The following WDR36 variants were observed in gnomAD, a reference collection of about 807,000 sequenced individuals.
WDR36 encodes the protein WD repeat-containing protein 36.
In WDR36, 63 loss-of-function variants were observed where a neutral mutation model predicts 112.7. The ratio of observed to expected loss-of-function variants is 0.56; its 90% CI spans 0.46 to 0.69. The LOEUF is 0.69. Ranked by LOEUF, WDR36 falls within the 30% of genes least tolerant of loss-of-function variation. The pLI is 0.00. For missense variants in WDR36, 1,226 were observed against 1,070.3 expected (o/e 1.15, Z -2.03); for synonymous variants, 410 against 362.2 (o/e 1.13, Z -1.50).
chr5:111,110,306 A>G lies in WDR36; in HGVS notation c.1441+3A>G. ...AGGAAGTTTTGGCAAGGATCAAGGT[A>G]GAGAATTTTTTTCCTTGTTTTTTAT... On this transcript the variant is annotated splice_donor_region_variant and intron_variant, in intron 13 of 22. Coordinates refer to ENST00000513710, the MANE Select transcript of WDR36 (RefSeq NM_139281.3). 2 of 1,606,212 alleles carry G rather than the reference A, an allele frequency of 1.2e-6. No individual in the cohort carries two copies. Among genetic ancestry groups the G allele is most frequent in the Non-Finnish European group, 1.7e-6 (2 of 1,173,516 alleles).
In WDR36 at chr5:111,125,773, C is replaced by T; in HGVS notation, c.2516C>T (p.Ala839Val). ...DRKRDFELAQ[A>V]YLALFLKLHL... Reference sequence around the variant, plus strand: ...AAGCGTGATTTTGAGTTAGCCCAGGCATACCTTGCATTGTTTCTAAAGGTA... The same window carrying T: ...AAGCGTGATTTTGAGTTAGCCCAGGTATACCTTGCATTGTTTCTAAAGGTA... Residue 839 changes from alanine (A) to valine (V), a missense_variant, in exon 22 of 23, where the codon GCA becomes GTA. By Grantham distance (64) the Ala-to-Val change is moderately conservative (BLOSUM62 0). Coordinates refer to ENST00000513710, the MANE Select transcript of WDR36 (RefSeq NM_139281.3). The T allele has an allele frequency of 1.2e-6, 2 of 1,613,758 alleles. No individual in the cohort carries two copies. Among genetic ancestry groups the T allele is most frequent in the South Asian group, 2.2e-5 (2 of 91,080 alleles).
At chr5:111,106,026 C>G (rs1753215798) in intron 10 of WDR36, 31 bp from the exon 11 acceptor site, 4 of 1,498,852 alleles carry the variant, frequency 2.7e-6, no homozygotes, top group Non-Finnish European at 3.7e-6. Context: ...GGATTCATAG[C>G]TATGTATGTT....
rs766916153 is a variant in WDR36 at position 111,094,908 on chromosome 5, T to C, written c.163-12T>C. The C allele has an allele frequency of 1.9e-6, 3 of 1,593,094 alleles. No individual in the cohort carries two copies. Among genetic ancestry groups the C allele is most frequent in the Non-Finnish European group, 1.7e-6 (2 of 1,167,826 alleles). On this transcript the variant is annotated splice_polypyrimidine_tract_variant and intron_variant, in intron 1 of 22. Transcript: ENST00000513710. ...GTTAATGAAAATTTAACCTTTTTTC[T>C]TTTTTAAACAGGTTCAGAAACTTAG...
rs530423287 is a variant in WDR36, at chr5:111,105,326, G to A, written c.1059G>A (p.Thr353=). ...SQDGTLQSFS[T]VHEKFNKSLG... is the part of the protein sequence containing the mutation. ...ATGGAACTCTTCAGTCATTTTCCAC[G>A]GTACATGAAAAATTCAATAAGAGCT... The change falls in exon 10 of 23, where the codon ACG becomes ACA. Residue 353 remains threonine, a synonymous_variant. Transcript: ENST00000513710. 233 of 1,609,818 alleles carry A rather than the reference G, an allele frequency of 1.4e-4. 3 individuals carry two copies. The highest frequency in any genetic ancestry group is 1.4e-3 in the South Asian group (125 of 91,012).
At chr5:111,098,441 GCCT>G (rs1222538357) in intron 3 of WDR36, among the ~76,000 whole-genome samples, 2 of 152,168 alleles carry the variant, frequency 1.3e-5, no homozygotes, top group Admixed American at 6.5e-5. Flanking sequence ...GTGTGTGCAT[GCCT>G]CCTCTCTAAC....
In WDR36 at chr5:111,092,400, C is replaced by T. The variant is rs139198693; in HGVS notation, c.-57C>T. On this transcript the variant is annotated 5_prime_UTR_variant, in exon 1 of 23. Coordinates refer to ENST00000513710, the MANE Select transcript of WDR36 (RefSeq NM_139281.3). ...TGTTCCACTAGACACGCTGAAGGGA[C>T]TGGGTACGTGTTTTCCTTCAGGACC... The T allele has an allele frequency of 2.2e-5, 36 of 1,614,134 alleles. No individual in the cohort carries two copies. Among genetic ancestry groups the T allele is most frequent in the Admixed American group, 5.0e-5 (3 of 60,010 alleles).
Position 111,125,600 on chromosome 5 carries a change from T to G in WDR36, c.2351-8T>G, listed in dbSNP as rs10041326. On this transcript the variant is annotated splice_region_variant and splice_polypyrimidine_tract_variant and intron_variant, in intron 21 of 22. Transcript: ENST00000513710. ...ATCAAGTCATAACTGGATTAAAATT[T>G]AATGCAGATGACACTGCTCTCAACC... 9,310 of 1,611,946 alleles carry G rather than the reference T, an allele frequency of 5.8e-3. 394 individuals are homozygous for G. In the African/African-American group the frequency reaches 0.1, roughly 18 times the overall value.
At chr5:111,095,121 G>A in intron 2 of WDR36, 174 bp downstream of exon 2, 1 of 617,796 alleles carries the variant, frequency 1.6e-6, no homozygotes, top group Non-Finnish European at 2.8e-6. Flanking sequence ...GCTTTTAGTT[G>A]TTATGTATCT....
rs1561712519 is a variant in WDR36, at chr5:111,127,934, T to TTG, written c.*1052_*1053insGT. 2 of 202,468 alleles carry TTG rather than the reference T, an allele frequency of 9.9e-6. No individual in the cohort carries two copies. Among genetic ancestry groups the TTG allele is most frequent in the East Asian group, 1.5e-4 (2 of 13,576 alleles). 12.5% of individuals were successfully genotyped at this position (202,468 alleles called of 1,614,324 possible). A position where few individuals can be genotyped will look rare whatever the true frequency, so the allele number is the denominator to read the frequency against. On this transcript the variant is annotated 3_prime_UTR_variant, in exon 23 of 23. Coordinates refer to ENST00000513710, the MANE Select transcript of WDR36 (RefSeq NM_139281.3). ...TTTTGTTTTGTTTTGTTTTTTTTTT[T>TTG]TTTTTTTTGGCTACACTTTTTTGGG...
At chr5:111,100,868 G>A in intron 5 of WDR36, 147 bp downstream of exon 5, 1 of 677,092 alleles carries the variant, frequency 1.5e-6, no homozygotes, top group Non-Finnish European at 2.4e-6. Flanking sequence ...CTGTATCAGA[G>A]GAGTCAATTA....
intron 5 of WDR36, among the ~76,000 whole-genome samples, 177 bp from the exon 6 acceptor site, chr5:111,102,168 A>G (rs1753133285): frequency 1.3e-5 from 2 of 151,514 alleles, no homozygotes; most frequent in Admixed American, 1.3e-4. Flanking sequence ...GAGACCTAGA[A>G]TTTGTCTGGA....
At chr5:111,101,970 A>G (rs1420283968) in intron 5 of WDR36, among the ~76,000 whole-genome samples, 1 of 151,840 alleles carries the variant, frequency 6.6e-6, no homozygotes, top group African/African-American at 2.4e-5. Flanking sequence ...TAACAGTCAT[A>G]TAACATGCAA....
At chr5:111,120,804 T>C (rs886618688) in intron 18 of WDR36, among the ~76,000 whole-genome samples, 192 bp from the exon 19 acceptor site, 25 of 152,232 alleles carry the variant, frequency 1.6e-4, no homozygotes, top group Admixed American at 3.3e-4. Context: ...AGAAGGTGTT[T>C]TGGGTCTAGT....
rs1346362666 is a variant in WDR36 at position 111,103,780 on chromosome 5, T to A, written c.598-6T>A. ...AAAGTAAAAGTTTGAATAATTTAAT[T>A]TTTAGGCACCAGCCGTGGATGTTGT... On this transcript the variant is annotated splice_region_variant and splice_polypyrimidine_tract_variant and intron_variant, in intron 6 of 22. Coordinates refer to ENST00000513710, the MANE Select transcript of WDR36 (RefSeq NM_139281.3). 1 of 1,610,542 alleles carries A rather than the reference T, an allele frequency of 6.2e-7. No homozygotes were observed. Among genetic ancestry groups the A allele is most frequent in the Non-Finnish European group, 8.5e-7 (1 of 1,177,702 alleles).
chr5:111,102,490 C>A, intron 6 of WDR36, 91 bp downstream of exon 6: 1 of 1,268,598 alleles, frequency 7.9e-7, no homozygotes, highest in Non-Finnish European at 1.1e-6. Flanking sequence ...GACGTAAAGA[C>A]GAAACAATAT....
rs1753687539 is a variant in WDR36 at position 111,126,866 on chromosome 5, A to G, written c.2671A>G (p.Lys891Glu). The stretch of plus-strand genomic sequence containing the variant: ...AAGCATGTGTATTTTAAATTATCTC[A>G]AAAGTGCTTTGTTGTAAAAATAAAT... ...NQSMCILNYL[K>E]SALL The change falls in exon 23 of 23, where the codon AAA becomes GAA. Residue 891 changes from lysine (K) to glutamate (E), a missense_variant. Transcript: ENST00000513710. 7 of 1,606,488 alleles carry G rather than the reference A, an allele frequency of 4.4e-6. No individual in the cohort carries two copies. Among genetic ancestry groups the G allele is most frequent in the Non-Finnish European group, 5.1e-6 (6 of 1,176,810 alleles).
At chr5:111,098,907 TG>T in intron 4 of WDR36, 68 bp downstream of exon 4, 1 of 1,113,878 alleles carries the variant, frequency 9.0e-7, no homozygotes, top group Non-Finnish European at 1.4e-6. Context: ...TTAAAATCTA[TG>T]TAAACATCTA....
At chr5:111,109,500 T>C (rs551024336) in intron 12 of WDR36, among the ~76,000 whole-genome samples, 241 of 151,500 alleles carry the variant, frequency 1.6e-3, no homozygotes, top group Non-Finnish European at 2.3e-3. Context: ...GTCATCTGTT[T>C]AGATGTAAAT....
chr5:111,118,922 T>C (rs1389461461), intron 16 of WDR36, 91 bp from the exon 17 acceptor site: 7 of 992,460 alleles, frequency 7.1e-6, no homozygotes, highest in Non-Finnish European at 1.1e-5. Flanking sequence ...CTGCATCTCT[T>C]ATCCCTTATC....
Sources: gnomAD v4.1 joint callset for allele counts (sites outside exome capture counted in the v4.1 genomes callset) on GRCh38, gnomAD v4.1.1 for gene constraint, MANE v1.5 for transcripts, NCBI Gene and HGNC (gene_info 2026-07-23, HGNC 2026-07-21) for gene names.